Variants in CUL3 observed in about 807,000 individuals in gnomAD.
CUL3 encodes cullin-3.
CUL3 carries 19 observed loss-of-function variants against 89.1 expected under a neutral mutation model. The observed-to-expected ratio is 0.21, with a 90% CI of 0.15 to 0.31. The LOEUF (loss-of-function observed/expected upper bound fraction) is 0.31. Ranked by LOEUF, CUL3 falls within the 10% of genes least tolerant of loss-of-function variation. The pLI is 1.00. For missense variants in CUL3, 469 were observed against 942.3 expected, an observed-to-expected ratio of 0.50 and a Z score of 6.58; for synonymous variants, 351 against 308.4, an observed-to-expected ratio of 1.14 and a Z score of -1.45.
intron 1 of CUL3, among the ~76,000 whole-genome samples, chr2:224,581,465 T>C (rs1174422600): frequency 6.6e-6 from 1 of 151,670 alleles, no homozygotes; most frequent in East Asian, 1.9e-4. Context: ...TATACATATA[T>C]CAAAACATCA....
chr2:224,584,407 G>C (rs1036942650), intron 1 of CUL3, among the ~76,000 whole-genome samples: 2 of 152,178 alleles, frequency 1.3e-5, no homozygotes, highest in African/African-American at 4.8e-5. Context: ...TGACCACGGA[G>C]CATTCCGTGG....
At chr2:224,496,983 T>C (rs1230416363) in intron 12 of CUL3, among the ~76,000 whole-genome samples, 1 of 152,168 alleles carries the variant, frequency 6.6e-6, no homozygotes, top group Non-Finnish European at 1.5e-5. Flanking sequence ...TTAACGAAAT[T>C]ATAAAGCACT....
chr2:224,563,116 AGCT>A (rs1343248171), intron 1 of CUL3: 1 of 385,752 alleles, frequency 2.6e-6, no homozygotes, highest in Non-Finnish European at 5.2e-6. Flanking sequence ...AAAGAAATAT[AGCT>A]TTTTCAAGCT....
At chr2:224,557,549 A>G (rs979884953) in intron 2 of CUL3, 110 bp downstream of exon 2, 29 of 671,650 alleles carry the variant, frequency 4.3e-5, no homozygotes, top group Admixed American at 6.5e-5. Context: ...AGTAATTTCT[A>G]TAGGCTTCTG....
chr2:224,525,887 A>T (rs1196566863), intron 3 of CUL3, among the ~76,000 whole-genome samples: 1 of 152,252 alleles, frequency 6.6e-6, no homozygotes, highest in Non-Finnish European at 1.5e-5. Context: ...CTTAAGAGCT[A>T]AAAGGGCTCT....
chr2:224,540,059 CTT>C (rs34875800), intron 2 of CUL3, among the ~76,000 whole-genome samples: 29,996 of 139,894 alleles, frequency 0.21, 3,338 homozygotes, highest in African/African-American at 0.25. Flanking sequence ...CATCCTCCAC[CTT>C]TTTTTTTTTT....
intron 6 of CUL3, among the ~76,000 whole-genome samples, chr2:224,508,087 T>A (rs1692670868): frequency 6.8e-6 from 1 of 146,396 alleles, no homozygotes; most frequent in South Asian, 2.2e-4. Flanking sequence ...TTTATATAAA[T>A]TTTCATGTGT....
intron 2 of CUL3, among the ~76,000 whole-genome samples, chr2:224,543,392 G>A (rs1694185435): frequency 6.6e-6 from 1 of 151,958 alleles, no homozygotes; most frequent in Non-Finnish European, 1.5e-5. Flanking sequence ...AATTATACCA[G>A]GACATTAAAA....
At chr2:224,515,171 T>A (rs1692994169) in intron 3 of CUL3, among the ~76,000 whole-genome samples, 1 of 152,226 alleles carries the variant, frequency 6.6e-6, no homozygotes, top group Non-Finnish European at 1.5e-5. Flanking sequence ...GAGAGTTGAA[T>A]AAAGTACGGA....
rs1457007996 is a variant in CUL3, at chr2:224,585,218, C to G, written c.-209G>C. 2.9e-5 allele frequency: 11 copies of G among 376,518 alleles called. No individual in the cohort carries two copies. Among genetic ancestry groups the G allele is most frequent in the Non-Finnish European group, 4.6e-6 (1 of 216,608 alleles). The allele number at this position is 376,518 out of a possible 1,614,324, so 23.3% of individuals were successfully genotyped here. ...GCGGCGGCTCGGACTCTGGCGACTC[C>G]GATGCGGCTGGGGGGCTGCGCTGGC... On this transcript the variant is annotated 5_prime_UTR_variant, in exon 1 of 16. Coordinates refer to ENST00000264414, the MANE Select transcript of CUL3 (RefSeq NM_003590.5).
chr2:224,528,208 G>A (rs11688371), intron 3 of CUL3, among the ~76,000 whole-genome samples: 28,083 of 152,070 alleles, frequency 0.18, 2,940 homozygotes, highest in South Asian at 0.27. Context: ...AAAGATGTTG[G>A]CAGGGCTGGC....
At chr2:224,503,129 G>T in intron 9 of CUL3, 57 bp from the exon 10 acceptor site, 1 of 1,068,176 alleles carries the variant, frequency 9.4e-7, no homozygotes, top group Non-Finnish European at 1.4e-6. Flanking sequence ...CTATGAGAAA[G>T]TACAGAAAGA....
chr2:224,560,791 C>G (rs746195284), intron 1 of CUL3: 5 of 152,218 alleles, frequency 3.3e-5, no homozygotes, highest in Admixed American at 6.5e-5. Context: ...TTGCTCACAA[C>G]TCTCAAATGA....
chr2:224,515,178 C>T (rs1166664943), intron 3 of CUL3, among the ~76,000 whole-genome samples: 8 of 152,076 alleles, frequency 5.3e-5, no homozygotes, highest in Admixed American at 6.5e-5. Context: ...GAATAAAGTA[C>T]GGATTTATAC....
chr2:224,566,962 C>T lies in CUL3; in HGVS notation c.67-9106G>A, dbSNP rs142512545. Among the ~76,000 whole-genome samples, 693 of 152,280 alleles carry T rather than the reference C, an allele frequency of 4.6e-3. 2 individuals are homozygous for T. The highest frequency in any genetic ancestry group is 8.9e-3 in the Admixed American group (136 of 15,294). ...TTTACCTTGAAATGGCAGGTAACCA[C>T]AGCTGCAGAACTTAATCTAGTACAC... On this transcript the variant is annotated intron_variant, in intron 1 of 15. Transcript: ENST00000264414.
chr2:224,549,006 AAACAACAAC>A (rs534685744), intron 2 of CUL3, among the ~76,000 whole-genome samples: 1 of 150,770 alleles, frequency 6.6e-6, no homozygotes, highest in African/African-American at 2.4e-5. Context: ...GGTCTCCAAA[AAACAACAAC>A]AACAACAACA....
chr2:224,524,356 T>A lies in CUL3; in HGVS notation c.379-9584A>T, dbSNP rs540760296. The stretch of plus-strand genomic sequence containing the variant: ...GGAGAGAAACACAAAGAGCCGCAAT[T>A]TCTGCAAGAAATTTTTCACTGAGAT... On this transcript the variant is annotated intron_variant, in intron 3 of 15. Transcript: ENST00000264414. Among the ~76,000 whole-genome samples, 43 of 152,200 alleles carry A rather than the reference T, an allele frequency of 2.8e-4. 1 individual carries two copies. The highest frequency in any genetic ancestry group is 3.9e-4 in the Admixed American group (6 of 15,286).
intron 13 of CUL3, among the ~76,000 whole-genome samples, chr2:224,493,074 A>G (rs1428582092): frequency 6.6e-6 from 1 of 152,168 alleles, no homozygotes; most frequent in East Asian, 1.9e-4. Flanking sequence ...CCCAGACAAC[A>G]TCTAAATGCA....
intron 13 of CUL3, chr2:224,495,490 T>A (rs182157438): frequency 6.0e-6 from 1 of 165,936 alleles, no homozygotes; most frequent in South Asian, 1.7e-4. Flanking sequence ...TAGGAGGGAA[T>A]AGACTGGCAA....
Sources: allele counts gnomAD v4.1 joint callset (sites outside exome capture counted in the v4.1 genomes callset), GRCh38; gene constraint gnomAD v4.1.1; transcripts MANE v1.5; gene names NCBI Gene and HGNC (gene_info 2026-07-23, HGNC 2026-07-21).